WRNIP1: variants seen among roughly 807,000 people sequenced by gnomAD.
The protein encoded by WRNIP1 is ATPase WRNIP1.
In WRNIP1, 41 loss-of-function variants were observed where a neutral mutation model predicts 56.1. That is an observed-to-expected ratio of 0.73 (90% CI 0.57 to 0.95). The LOEUF (loss-of-function observed/expected upper bound fraction) is 0.95, where lower values mean the gene tolerates loss of function less well. WRNIP1 is among the 40% of genes least tolerant of loss of function. The probability of loss-of-function intolerance (pLI) is 0.00; values close to 1 mark genes in which losing one functional copy is unlikely to be tolerated. For missense variants in WRNIP1, 1,170 were observed against 939.4 expected (o/e 1.25, Z -3.21); for synonymous variants, 547 against 398.1 (o/e 1.37, Z -4.45).
In WRNIP1 at chr6:2,785,451, GT is replaced by G. The variant is rs1765687589; in HGVS notation, c.*170del. ...AGGCGCAGTTCTTTCGAATAAATGTGTAACTTTGAAATTGTGTTCATTTGCA... is the reference window on the plus strand; with the variant it reads ...AGGCGCAGTTCTTTCGAATAAATGTGAACTTTGAAATTGTGTTCATTTGCA... On this transcript the variant is annotated 3_prime_UTR_variant, in exon 7 of 7. Coordinates refer to ENST00000380773, the MANE Select transcript of WRNIP1 (RefSeq NM_020135.3). 1 of 709,562 alleles carries G rather than the reference GT, an allele frequency of 1.4e-6. No individual in the cohort carries two copies. Among genetic ancestry groups the G allele is most frequent in the Non-Finnish European group, 2.3e-6 (1 of 437,624 alleles). The allele number at this position is 709,562 out of a possible 1,614,324, so 44.0% of individuals were successfully genotyped here.
chr6:2,774,937 G>A (rs1011823763), intron 3 of WRNIP1, among the ~76,000 whole-genome samples: 2 of 152,144 alleles, frequency 1.3e-5, no homozygotes, highest in African/African-American at 2.4e-5. Flanking sequence ...AGTATTTGTC[G>A]AGTCTCATGA....
At chr6:2,777,559 C>G (rs1410427049) in intron 3 of WRNIP1, among the ~76,000 whole-genome samples, 1 of 152,208 alleles carries the variant, frequency 6.6e-6, no homozygotes, top group African/African-American at 2.4e-5. Context: ...TTCTCCCTAC[C>G]TGTCTTCCCA....
chr6:2,774,685 C>G (rs1469240929), intron 3 of WRNIP1, among the ~76,000 whole-genome samples: 4 of 152,202 alleles, frequency 2.6e-5, no homozygotes, highest in African/African-American at 7.2e-5. Context: ...ACTACAGACC[C>G]CTACCAAGTA....
Position 2,783,567 on chromosome 6 carries a change from T to C in WRNIP1, c.1642+6T>C. 1 of 1,578,728 alleles carries C rather than the reference T, an allele frequency of 6.3e-7. No homozygotes were observed. The highest frequency in any genetic ancestry group is 8.6e-7 in the Non-Finnish European group (1 of 1,163,400). On this transcript the variant is annotated splice_donor_region_variant and intron_variant, in intron 5 of 6. Coordinates refer to ENST00000380773, the MANE Select transcript of WRNIP1 (RefSeq NM_020135.3). The stretch of plus-strand genomic sequence containing the variant: ...GTTTGCCAGCGAGGACATAGGTGAG[T>C]GTGATGGGAGGGTCCCGGAGTCCTA...
intron 3 of WRNIP1, among the ~76,000 whole-genome samples, chr6:2,777,785 C>T (rs1406149986): frequency 6.6e-6 from 1 of 152,110 alleles, no homozygotes; most frequent in African/African-American, 2.4e-5. Context: ...GTGACATGGC[C>T]TCGGTGTTTG....
chr6:2,779,528 C>T lies in WRNIP1; in HGVS notation c.1486+36C>T, dbSNP rs376242644. 182 of 1,583,976 alleles carry T rather than the reference C, an allele frequency of 1.1e-4. 1 individual carries two copies. The South Asian group carries it at 1.9e-3, about 16-fold the overall frequency. On this transcript the variant is annotated intron_variant, in intron 4 of 6. Coordinates refer to ENST00000380773, the MANE Select transcript of WRNIP1 (RefSeq NM_020135.3). ...CACCTGTGGAAAGAGTGAAACCATACGGAAAGAAGTGTGTGCACACATTCT... is the reference window on the plus strand; with the variant it reads ...CACCTGTGGAAAGAGTGAAACCATATGGAAAGAAGTGTGTGCACACATTCT...
In WRNIP1 at chr6:2,765,589, G is replaced by A. The variant is rs1007876806; in HGVS notation, c.-34G>A. 1.7e-5 allele frequency: 25 copies of A among 1,463,874 alleles called. No individual in the cohort carries two copies. In the Admixed American group the frequency reaches 3.9e-4, roughly 23 times the overall value. The allele number at this position is 1,463,874 out of a possible 1,614,324, so 90.7% of individuals were successfully genotyped here. A position where few individuals can be genotyped will look rare whatever the true frequency, so the allele number is the denominator to read the frequency against. ...CTCCGCGTGCGCACGGGTTGCTGCG[G>A]CCGCGCCGGGCGCCGGGGAGGGCGG... is the stretch of plus-strand genomic sequence containing the variant. On this transcript the variant is annotated 5_prime_UTR_variant, in exon 1 of 7. Coordinates refer to ENST00000380773, the MANE Select transcript of WRNIP1 (RefSeq NM_020135.3).
At chr6:2,770,973 A>G (rs1216117074) in intron 3 of WRNIP1, among the ~76,000 whole-genome samples, 1 of 152,230 alleles carries the variant, frequency 6.6e-6, no homozygotes, top group African/African-American at 2.4e-5. Context: ...CATGAGTACC[A>G]CATGAGCTCG....
chr6:2,777,633 C>A (rs1561914270), intron 3 of WRNIP1, among the ~76,000 whole-genome samples: 1 of 152,220 alleles, frequency 6.6e-6, no homozygotes, highest in Non-Finnish European at 1.5e-5. Flanking sequence ...TCACGTACTG[C>A]TACACCCCTG....
chr6:2,769,841 T>G (rs1021121588), intron 2 of WRNIP1, among the ~76,000 whole-genome samples: 1 of 152,168 alleles, frequency 6.6e-6, no homozygotes, highest in Admixed American at 6.5e-5. Context: ...AAGAAATCAT[T>G]TATGTTGAAA....
At position 2,765,855 on chromosome 6, in the gene WRNIP1, C is replaced by T. The variant is rs764415683; in HGVS notation, c.233C>T (p.Ser78Leu). The T allele has an allele frequency of 6.3e-6, 9 of 1,423,136 alleles. No homozygotes were observed. Among genetic ancestry groups the T allele is most frequent in the African/African-American group, 1.5e-5 (1 of 67,318 alleles). 88.2% of individuals were successfully genotyped at this position (1,423,136 alleles called of 1,614,324 possible). ...GAKRRRLSES[S>L]ALKQPATPTA... ...AAGAGGCGGCGGCTGTCGGAGAGCT[C>T]GGCGCTGAAGCAGCCAGCCACCCCG... Residue 78 changes from serine to leucine, a missense_variant, in exon 1 of 7, where the codon TCG becomes TTG. Physicochemically the swap from Ser to Leu is moderately radical, Grantham distance 145. Coordinates refer to ENST00000380773, the MANE Select transcript of WRNIP1 (RefSeq NM_020135.3).
chr6:2,783,612 ATGGCTAACAG>A, intron 5 of WRNIP1, 51 bp downstream of exon 5: 1 of 902,126 alleles, frequency 1.1e-6, no homozygotes, highest in African/African-American at 2.1e-5. Flanking sequence ...GGGTGGGGAA[ATGGCTAACAG>A]TTACATCGTG....
chr6:2,775,771 C>T (rs1429262580), intron 3 of WRNIP1, among the ~76,000 whole-genome samples: 3 of 152,338 alleles, frequency 2.0e-5, no homozygotes, highest in Admixed American at 6.5e-5. Context: ...CTGTTTCTAT[C>T]TCTAGGTTTT....
intron 3 of WRNIP1, 33 bp downstream of exon 3, chr6:2,770,394 C>T: frequency 6.2e-7 from 1 of 1,612,016 alleles, no homozygotes; most frequent in South Asian, 1.1e-5. Flanking sequence ...CCTGGGGGCA[C>T]ACACCTCCCA....
intron 4 of WRNIP1, among the ~76,000 whole-genome samples, chr6:2,779,768 G>T (rs1223693722): frequency 6.6e-6 from 1 of 152,218 alleles, no homozygotes; most frequent in Admixed American, 6.5e-5. Context: ...AAGGTAGTTG[G>T]CTATTCCCCA....
intron 6 of WRNIP1, 40 bp from the exon 7 acceptor site, chr6:2,784,967 G>C (rs761549307): frequency 6.2e-7 from 1 of 1,607,000 alleles, no homozygotes; most frequent in Admixed American, 1.7e-5. Context: ...CAGAAGCTTG[G>C]CATCTTGCTA....
chr6:2,766,878 C>T (rs747972069), intron 1 of WRNIP1, among the ~76,000 whole-genome samples: 1 of 151,114 alleles, frequency 6.6e-6, no homozygotes, highest in Non-Finnish European at 1.5e-5. Context: ...TGAAAAAAAT[C>T]AAATTAATTC....
At chr6:2,774,060 T>C in intron 3 of WRNIP1, 4 of 985,400 alleles carry the variant, frequency 4.1e-6, no homozygotes, top group Non-Finnish European at 4.8e-6. Context: ...TTTTGTGCCA[T>C]TGAATAGAAA....
At chr6:2,773,970 G>C (rs1765374077) in intron 3 of WRNIP1, 1 of 985,292 alleles carries the variant, frequency 1.0e-6, no homozygotes, top group Non-Finnish European at 1.2e-6. Context: ...CTGGAGAGGA[G>C]AGCCCCTGAC....
Sources: gnomAD v4.1 joint callset for allele counts (sites outside exome capture counted in the v4.1 genomes callset) on GRCh38, gnomAD v4.1.1 for gene constraint, MANE v1.5 for transcripts, NCBI Gene and HGNC (gene_info 2026-07-23, HGNC 2026-07-21) for gene names.